AGBL1: variants seen among roughly 807,000 people sequenced by gnomAD.
AGBL1 encodes the protein AGBL carboxypeptidase 1.
A neutral mutation model predicts 118.9 loss-of-function variants in AGBL1; 130 were observed. That is an observed-to-expected ratio of 1.09 (90% CI 0.95 to 1.26). AGBL1 has a LOEUF of 1.26. Among genes scored for constraint, AGBL1 ranks in the 50% most tolerant of loss-of-function variants. The probability of loss-of-function intolerance (pLI) is 0.00; values close to 1 mark genes in which losing one functional copy is unlikely to be tolerated. For synonymous variants in AGBL1, 555 were observed against 478.9 expected, an observed-to-expected ratio of 1.16 and a Z score of -2.08; for missense variants, 1,584 against 1,298.1, an observed-to-expected ratio of 1.22 and a Z score of -3.38.
intron 16 of AGBL1, among the ~76,000 whole-genome samples, chr15:86,286,259 C>A (rs2079445203): frequency 6.6e-6 from 1 of 151,858 alleles, no homozygotes; most frequent in Non-Finnish European, 1.5e-5. Flanking sequence ...TCGATCAAAC[C>A]AGACCAATAA....
chr15:86,256,716 C>G lies in AGBL1; in HGVS notation c.736-137C>G, dbSNP rs578125591. 26 of 800,320 alleles carry G rather than the reference C, an allele frequency of 3.2e-5. No homozygotes were observed. In the African/African-American group the frequency reaches 4.2e-4, roughly 13 times the overall value. 49.6% of individuals were successfully genotyped at this position (800,320 alleles called of 1,614,324 possible). On this transcript the variant is annotated intron_variant, in intron 7 of 22. Coordinates refer to ENST00000614907, the MANE Select transcript of AGBL1 (RefSeq NM_001386094.1). ...TACATTAAGGCTGTTTACGGTCTGT[C>G]CATGCGTATAATTCATTAGCTGAAA... is the stretch of plus-strand genomic sequence containing the variant.
At chr15:86,903,966 C>A (rs1596615158) in intron 22 of AGBL1, among the ~76,000 whole-genome samples, 1 of 152,190 alleles carries the variant, frequency 6.6e-6, no homozygotes, top group East Asian at 1.9e-4. Flanking sequence ...GGATAAAAGT[C>A]TTGGCTCCCG....
At chr15:86,278,486 A>AT (rs1260220356) in intron 15 of AGBL1, among the ~76,000 whole-genome samples, 2 of 151,942 alleles carry the variant, frequency 1.3e-5, no homozygotes, top group Non-Finnish European at 2.9e-5. Context: ...AAAAAAACAG[A>AT]TTTTCTATCT....
intron 22 of AGBL1, among the ~76,000 whole-genome samples, chr15:86,881,116 A>G (rs1305693415): frequency 9.9e-5 from 15 of 152,176 alleles, no homozygotes; most frequent in African/African-American, 2.9e-4. Flanking sequence ...CTCACCAGAC[A>G]TGCTAAGTTC....
At chr15:86,614,928 G>T (rs2084701276) in intron 21 of AGBL1, among the ~76,000 whole-genome samples, 2 of 152,166 alleles carry the variant, frequency 1.3e-5, no homozygotes, top group Admixed American at 1.3e-4. Context: ...AACTGGGTGT[G>T]GAGTTGACCA....
At chr15:86,353,722 C>T (rs953004033) in intron 17 of AGBL1, among the ~76,000 whole-genome samples, 8 of 152,070 alleles carry the variant, frequency 5.3e-5, no homozygotes, top group South Asian at 2.1e-4. Flanking sequence ...AATTCAATTT[C>T]GGACAGACAG....
intron 9 of AGBL1, 64 bp from the exon 10 acceptor site, chr15:86,262,714 T>C: frequency 9.0e-7 from 1 of 1,111,982 alleles, no homozygotes; most frequent in Non-Finnish European, 1.3e-6. Flanking sequence ...ATACATATCA[T>C]GTCTTGATGC....
chr15:86,868,350 A>G (rs1371399145), intron 22 of AGBL1, among the ~76,000 whole-genome samples: 1 of 152,242 alleles, frequency 6.6e-6, no homozygotes, highest in African/African-American at 2.4e-5. Flanking sequence ...CAAGCCACAC[A>G]AGACTGTAAC....
intron 18 of AGBL1, among the ~76,000 whole-genome samples, chr15:86,404,632 G>A (rs1300791127): frequency 6.6e-6 from 1 of 152,202 alleles, no homozygotes. Context: ...ATTTGAACAA[G>A]TAAGAATGGA....
chr15:86,975,971 G>A (rs2081172846), intron 23 of AGBL1, among the ~76,000 whole-genome samples: 1 of 152,076 alleles, frequency 6.6e-6, no homozygotes, highest in Non-Finnish European at 1.5e-5. Context: ...GTCTGCAGCT[G>A]CTCAGTAATG....
intron 18 of AGBL1, among the ~76,000 whole-genome samples, chr15:86,422,622 A>G (rs1226296731): frequency 1.3e-5 from 2 of 152,178 alleles, no homozygotes; most frequent in Non-Finnish European, 2.9e-5. Flanking sequence ...AGAGACATGA[A>G]AAACCCTTCA....
chr15:86,122,307 A>C (rs146383346), intron 1 of AGBL1, among the ~76,000 whole-genome samples: 28 of 152,308 alleles, frequency 1.8e-4, no homozygotes, highest in African/African-American at 6.5e-4. Context: ...TTCCCGTGAA[A>C]GCTGATGGAA....
intron 21 of AGBL1, among the ~76,000 whole-genome samples, chr15:86,563,394 G>C (rs573901012): frequency 1.6e-4 from 25 of 152,184 alleles, no homozygotes; most frequent in Admixed American, 1.4e-3. Flanking sequence ...CCTTCATTTC[G>C]TTATGTACCC....
chr15:86,502,856 A>G (rs564326718), intron 18 of AGBL1, among the ~76,000 whole-genome samples: 15 of 151,516 alleles, frequency 9.9e-5, no homozygotes, highest in African/African-American at 3.6e-4. Flanking sequence ...GCTTATATTT[A>G]TCAGGGACAC....
intron 1 of AGBL1, among the ~76,000 whole-genome samples, chr15:86,111,720 C>A (rs1897394545): frequency 6.6e-6 from 1 of 152,162 alleles, no homozygotes; most frequent in Non-Finnish European, 1.5e-5. Context: ...GAACTGCTGA[C>A]AAATAGAGAC....
Position 86,399,166 on chromosome 15 carries a change from G to A in AGBL1, c.2555+1620G>A, listed in dbSNP as rs149597183. Among the ~76,000 whole-genome samples, 21 of 152,202 alleles carry A rather than the reference G, an allele frequency of 1.4e-4. No homozygotes were observed. In the East Asian group the frequency reaches 3.3e-3, roughly 24 times the overall value. On this transcript the variant is annotated intron_variant, in intron 18 of 22. Coordinates refer to ENST00000614907, the MANE Select transcript of AGBL1 (RefSeq NM_001386094.1). Reference sequence around the variant, plus strand: ...CCTTGGAAAGAAATTAGCCTTCTGAGCTCTCAAGCTGGAAAGGCCCCAAAG... The same window carrying A: ...CCTTGGAAAGAAATTAGCCTTCTGAACTCTCAAGCTGGAAAGGCCCCAAAG...
chr15:86,489,554 A>C (rs1280431643), intron 18 of AGBL1, among the ~76,000 whole-genome samples: 3 of 152,170 alleles, frequency 2.0e-5, no homozygotes, highest in Admixed American at 2.0e-4. Context: ...ATTATCTTCT[A>C]TCTGGCATTC....
chr15:86,124,050 C>T (rs558797829), intron 1 of AGBL1, among the ~76,000 whole-genome samples: 116 of 152,086 alleles, frequency 7.6e-4, no homozygotes, highest in African/African-American at 2.4e-3. Context: ...ATGTACCAGG[C>T]GGGGTGCAGT....
chr15:86,556,824 A>C (rs2083741263), intron 21 of AGBL1, among the ~76,000 whole-genome samples: 1 of 152,186 alleles, frequency 6.6e-6, no homozygotes, highest in African/African-American at 2.4e-5. Context: ...CGTGAGAGGC[A>C]TTCTTTCCTT....
Sources: gnomAD v4.1 joint callset for allele counts (sites outside exome capture counted in the v4.1 genomes callset) on GRCh38, gnomAD v4.1.1 for gene constraint, MANE v1.5 for transcripts, NCBI Gene and HGNC (gene_info 2026-07-23, HGNC 2026-07-21) for gene names.